The following PHF20 variants were observed in gnomAD, a reference collection of about 807,000 sequenced individuals.
PHF20 encodes the protein glioma-expressed antigen 2.
In PHF20, 23 loss-of-function variants were observed where a neutral mutation model predicts 113.5. The ratio of observed to expected loss-of-function variants is 0.20; its 90% CI spans 0.15 to 0.29. The LOEUF (loss-of-function observed/expected upper bound fraction) is 0.29. Ranked by LOEUF, PHF20 falls within the 10% of genes least tolerant of loss-of-function variation. The pLI, the probability that PHF20 is intolerant of heterozygous loss-of-function variation, is 1.00. For synonymous variants in PHF20, 434 were observed against 457.3 expected (o/e 0.95, Z 0.65); for missense variants, 943 against 1,219.6 (o/e 0.77, Z 3.38).
chr20:35,881,899 C>T (rs1292202137), intron 9 of PHF20, among the ~76,000 whole-genome samples: 1 of 152,270 alleles, frequency 6.6e-6, no homozygotes, highest in African/African-American at 2.4e-5. Context: ...GTTGCCTCAC[C>T]TTCCTATTGA....
At chr20:35,777,698 C>T in intron 1 of PHF20, among the ~76,000 whole-genome samples, 1 of 152,136 alleles carries the variant, frequency 6.6e-6, no homozygotes, top group East Asian at 1.9e-4. Context: ...GTGGTGCGTG[C>T]TTGTAGTCCC....
In PHF20 at chr20:35,938,796, C is replaced by G. The variant is rs768484411; in HGVS notation, c.2400C>G (p.Thr800=). 2.2e-5 allele frequency: 35 copies of G among 1,614,182 alleles called. No individual in the cohort carries two copies. The highest frequency in any genetic ancestry group is 2.9e-5 in the Non-Finnish European group (34 of 1,180,012). The change falls in exon 16 of 18, where the codon ACC becomes ACG. Residue 800 remains threonine, a synonymous_variant. Coordinates refer to ENST00000374012, the MANE Select transcript of PHF20 (RefSeq NM_016436.5). ...TCAGAAACATCCCTGTCACTGACAC[C>G]AGGAGCAAGGAGGAAGCTCCAAGCT... is the stretch of plus-strand genomic sequence containing the variant. ...SHFRNIPVTD[T]RSKEEAPSYR... is the part of the protein sequence containing the mutation.
At chr20:35,902,446 T>C (rs1314564616) in intron 10 of PHF20, among the ~76,000 whole-genome samples, 1 of 152,212 alleles carries the variant, frequency 6.6e-6, no homozygotes, top group Non-Finnish European at 1.5e-5. Context: ...GAGGGACCCA[T>C]GGAAGTCCTG....
intron 16 of PHF20, 79 bp downstream of exon 16, chr20:35,939,187 G>A: frequency 2.9e-6 from 4 of 1,375,288 alleles, no homozygotes; most frequent in Non-Finnish European, 3.0e-6. Flanking sequence ...AATGCTCTAT[G>A]GAAGATATTT....
chr20:35,805,043 A>G (rs1488533787), intron 2 of PHF20, among the ~76,000 whole-genome samples: 1 of 151,252 alleles, frequency 6.6e-6, no homozygotes, highest in Non-Finnish European at 1.5e-5. Context: ...GTGGGATTAT[A>G]GGTGTGTGCC....
At chr20:35,781,367 C>G (rs539634658) in intron 1 of PHF20, among the ~76,000 whole-genome samples, 1 of 148,666 alleles carries the variant, frequency 6.7e-6, no homozygotes, top group Non-Finnish European at 1.5e-5. Flanking sequence ...GGTCTCCGCC[C>G]GCCTCAGCCT....
rs972371031 is a variant in PHF20, at chr20:35,872,509, C to T, written c.1282+680C>T. Among the ~76,000 whole-genome samples the T allele has an allele frequency of 2.0e-4, 31 of 152,058 alleles. 1 individual carries two copies. The highest frequency in any genetic ancestry group is 2.0e-3 in the Admixed American group (30 of 15,260). On this transcript the variant is annotated intron_variant, in intron 9 of 17. Transcript: ENST00000374012. ...TTGCACTCCAGCCTGGGCAGCAGAGCGAGACTCAGTCTAAATAAATAAATA... is the reference window on the plus strand; with the variant it reads ...TTGCACTCCAGCCTGGGCAGCAGAGTGAGACTCAGTCTAAATAAATAAATA...
chr20:35,884,838 T>A (rs983087230), intron 9 of PHF20, among the ~76,000 whole-genome samples: 2 of 152,178 alleles, frequency 1.3e-5, no homozygotes, highest in African/African-American at 4.8e-5. Context: ...TTTTATTTTA[T>A]TTCATTTTTT....
At chr20:35,887,157 A>G (rs1297496505) in intron 9 of PHF20, among the ~76,000 whole-genome samples, 1 of 152,224 alleles carries the variant, frequency 6.6e-6, no homozygotes, top group Non-Finnish European at 1.5e-5. Flanking sequence ...AAGTATAAAC[A>G]TAGTGTATGC....
intron 5 of PHF20, among the ~76,000 whole-genome samples, chr20:35,858,977 T>G (rs1286323349): frequency 6.6e-6 from 1 of 152,218 alleles, no homozygotes; most frequent in Non-Finnish European, 1.5e-5. Context: ...GTTATTCTTT[T>G]CTTCTCTCTG....
chr20:35,774,804 A>G (rs533742876), intron 1 of PHF20: 1 of 152,352 alleles, frequency 6.6e-6, no homozygotes, highest in African/African-American at 2.4e-5. Flanking sequence ...TGGAGAGATT[A>G]ATGGGGCCTA....
chr20:35,840,067 G>A (rs1056583843), intron 2 of PHF20, among the ~76,000 whole-genome samples: 1 of 152,174 alleles, frequency 6.6e-6, no homozygotes, highest in African/African-American at 2.4e-5. Context: ...GTTCATTTAG[G>A]TAGGTAGCAT....
Position 35,816,019 on chromosome 20 carries a change from G to A in PHF20, c.83+14414G>A, listed in dbSNP as rs188324094. 2.4e-3 allele frequency among the ~76,000 whole-genome samples: 357 copies of A among 151,684 alleles called. 1 individual carries two copies. The highest frequency in any genetic ancestry group is 0.017 in the Middle Eastern group (5 of 294). The stretch of plus-strand genomic sequence containing the variant: ...TCCCCCAGACTAGACTGCAGGGGCT[G>A]GATCTCAGCTCACAGCAACCTCCAT... On this transcript the variant is annotated intron_variant, in intron 2 of 17. Transcript: ENST00000374012.
intron 17 of PHF20, among the ~76,000 whole-genome samples, chr20:35,946,651 T>A (rs1217847793): frequency 6.7e-6 from 1 of 149,224 alleles, no homozygotes; most frequent in Non-Finnish European, 1.5e-5. Context: ...AGCTTTTTAT[T>A]TTTTATTTTA....
At chr20:35,851,049 C>CT in intron 4 of PHF20, 1 of 347,620 alleles carries the variant, frequency 2.9e-6, no homozygotes, top group South Asian at 3.3e-5. Context: ...CCGCCTCAGC[C>CT]TCCCGAATCT....
intron 13 of PHF20, among the ~76,000 whole-genome samples, chr20:35,924,908 CT>C (rs1377859575): frequency 1.3e-5 from 2 of 151,732 alleles, no homozygotes; most frequent in Non-Finnish European, 2.9e-5. Context: ...GCCCATTTTT[CT>C]TTTTTTTAAG....
rs1234121753 is a variant in PHF20, at chr20:35,949,575, A to C, written c.*1948A>C. The stretch of plus-strand genomic sequence containing the variant: ...TAAAGGAAGTAATCTCCTTTCATTC[A>C]TTGTGACTTTTGTTCTTAGGGAAGC... On this transcript the variant is annotated 3_prime_UTR_variant, in exon 18 of 18. Transcript: ENST00000374012. 1 of 152,606 alleles carries C rather than the reference A, an allele frequency of 6.6e-6. No homozygotes were observed. The highest frequency in any genetic ancestry group is 2.4e-5 in the African/African-American group (1 of 41,446). 9.5% of individuals were successfully genotyped at this position (152,606 alleles called of 1,614,324 possible).
chr20:35,919,416 T>G (rs1385168534), intron 13 of PHF20, among the ~76,000 whole-genome samples: 1 of 148,224 alleles, frequency 6.7e-6, no homozygotes, highest in Non-Finnish European at 1.5e-5. Flanking sequence ...CTCGGCTCAC[T>G]GCAACCTCTG....
At chr20:35,863,547 A>G in intron 6 of PHF20, 147 bp downstream of exon 6, 1 of 824,604 alleles carries the variant, frequency 1.2e-6, no homozygotes, top group South Asian at 2.3e-5. Flanking sequence ...AGTTGTGTTC[A>G]TGAAGCTGAA....
Sources: gnomAD v4.1 joint callset for allele counts (sites outside exome capture counted in the v4.1 genomes callset) on GRCh38, gnomAD v4.1.1 for gene constraint, MANE v1.5 for transcripts, NCBI Gene and HGNC (gene_info 2026-07-23, HGNC 2026-07-21) for gene names.